Variants in SGCD observed in about 807,000 individuals in gnomAD.
SGCD encodes delta-sarcoglycan.
SGCD carries 18 observed loss-of-function variants against 36.6 expected under a neutral mutation model. That is an observed-to-expected ratio of 0.49 (90% CI 0.34 to 0.73). The LOEUF (loss-of-function observed/expected upper bound fraction) is 0.73, where lower values mean the gene tolerates loss of function less well. Among genes scored for constraint, SGCD ranks in the 30% least tolerant of loss-of-function variants. The pLI is 0.01. For synonymous variants in SGCD, 133 were observed against 130.6 expected, an observed-to-expected ratio of 1.02 and a Z score of -0.12; for missense variants, 387 against 346.7, an observed-to-expected ratio of 1.12 and a Z score of -0.92.
intron 1 of SGCD, among the ~76,000 whole-genome samples, chr5:156,049,068 T>G (rs2127580623): frequency 6.8e-6 from 1 of 146,758 alleles, no homozygotes; most frequent in Non-Finnish European, 1.5e-5. Context: ...CCAGCACCAT[T>G]TATTAAATAG....
At chr5:156,603,339 A>G (rs992907132) in intron 6 of SGCD, among the ~76,000 whole-genome samples, 11 of 152,006 alleles carry the variant, frequency 7.2e-5, no homozygotes, top group African/African-American at 2.7e-4. Context: ...GTATTAATCT[A>G]GCTAAATATT....
At chr5:156,503,685 T>G (rs1159076882) in intron 3 of SGCD, among the ~76,000 whole-genome samples, 1 of 152,192 alleles carries the variant, frequency 6.6e-6, no homozygotes, top group Admixed American at 6.5e-5. Flanking sequence ...AGTAACTTAC[T>G]AACAAATTTG....
chr5:156,172,399 A>T (rs1763366875), intron 3 of SGCD, among the ~76,000 whole-genome samples: 1 of 152,218 alleles, frequency 6.6e-6, no homozygotes, highest in Non-Finnish European at 1.5e-5. Context: ...CTCAACGAGG[A>T]AGTCGGGAAG....
intron 1 of SGCD, among the ~76,000 whole-genome samples, chr5:156,019,395 A>C (rs1259998982): frequency 2.0e-5 from 3 of 152,060 alleles, no homozygotes; most frequent in Non-Finnish European, 4.4e-5. Flanking sequence ...TTCTTTCCAA[A>C]GGCTGAAAAA....
chr5:156,296,069 A>G (rs1766886219), intron 3 of SGCD, among the ~76,000 whole-genome samples: 1 of 152,146 alleles, frequency 6.6e-6, no homozygotes, highest in Admixed American at 6.6e-5. Flanking sequence ...GCATTGCTCA[A>G]ACTGATTTCT....
chr5:156,053,119 A>G lies in SGCD; in HGVS notation c.-281-64759A>G, dbSNP rs1759965244. ...AAAGGCTTGTCCCTACCTAGTAGCT[A>G]GCTGAACATACATATGGCACTGCCA... On this transcript the variant is annotated intron_variant, in intron 1 of 9. Coordinates refer to the SGCD transcript ENST00000517913. Among the ~76,000 whole-genome samples, 2 of 146,780 alleles carry G rather than the reference A, an allele frequency of 1.4e-5. 1 individual carries two copies.
the SGCD span, among the ~76,000 whole-genome samples, chr5:155,794,177 A>C: frequency 3.3e-5 from 5 of 152,302 alleles, 1 homozygote; most frequent in African/African-American, 1.2e-4. Context: ...GTCCAGCCTG[A>C]AAGCAGATCA....
rs1318941829 is a variant in SGCD, at chr5:156,464,214, A to AT, written c.193-44386dup. On this transcript the variant is annotated intron_variant, in intron 3 of 8. Transcript: ENST00000337851. ...TGGAAGAATCTAGGTTTGAATCTAC[A>AT]TATTTTTTTTTTTTTTTTTTTTTTG... is the stretch of plus-strand genomic sequence containing the variant. 4.4e-4 allele frequency among the ~76,000 whole-genome samples: 55 copies of AT among 125,322 alleles called. No homozygotes were observed. The South Asian group carries it at 8.7e-3, about 20-fold the overall frequency. The allele number at this position is 125,322 out of a possible 152,430, so 82.2% of individuals were successfully genotyped here. A position where few individuals can be genotyped will look rare whatever the true frequency, so the allele number is the denominator to read the frequency against.
chr5:156,612,101 A>G (rs929135842), intron 6 of SGCD, among the ~76,000 whole-genome samples: 5 of 152,288 alleles, frequency 3.3e-5, no homozygotes, highest in Admixed American at 1.3e-4. Flanking sequence ...CTGTTACTAA[A>G]GAATTATTGT....
chr5:156,540,472 G>T (rs1025779297), intron 4 of SGCD, among the ~76,000 whole-genome samples: 4 of 152,098 alleles, frequency 2.6e-5, no homozygotes, highest in Non-Finnish European at 5.9e-5. Context: ...GAGAAGAGAA[G>T]AAATGTCTTC....
chr5:156,534,040 A>G (rs1393542408), intron 4 of SGCD, among the ~76,000 whole-genome samples: 3 of 152,180 alleles, frequency 2.0e-5, no homozygotes, highest in Non-Finnish European at 4.4e-5. Flanking sequence ...ATGTAACACT[A>G]TAAATTTGCG....
chr5:156,271,772 T>A (rs1398827613), intron 3 of SGCD, among the ~76,000 whole-genome samples: 1 of 152,154 alleles, frequency 6.6e-6, no homozygotes, highest in African/African-American at 2.4e-5. Flanking sequence ...TCCCCTTGCA[T>A]ACAGTCTAAA....
intron 3 of SGCD, among the ~76,000 whole-genome samples, chr5:156,249,707 A>G (rs1765527452): frequency 7.4e-6 from 1 of 135,582 alleles, no homozygotes; most frequent in Non-Finnish European, 1.6e-5. Context: ...ATTACTTCAT[A>G]AGGTTATTGT....
rs557750070 is a variant in SGCD at position 156,205,364 on chromosome 5, G to A, written c.-44+81345G>A. ...GCACAAACAATGGCAAATAAATGAA[G>A]AATTACGAGACACAATGAGTAGATA... On this transcript the variant is annotated intron_variant, in intron 3 of 9. Coordinates refer to the SGCD transcript ENST00000517913. Among the ~76,000 whole-genome samples the A allele has an allele frequency of 1.7e-4, 26 of 152,126 alleles. No individual in the cohort carries two copies. The East Asian group carries it at 4.3e-3, about 25-fold the overall frequency.
At chr5:156,346,283 T>C (rs187580295) in intron 3 of SGCD, among the ~76,000 whole-genome samples, 13 of 152,148 alleles carry the variant, frequency 8.5e-5, no homozygotes, top group African/African-American at 2.9e-4. Context: ...TCTAAAAAAA[T>C]TTTTCTTTCT....
In SGCD at chr5:156,348,066, G is replaced by T. The variant is rs180717784; in HGVS notation, c.192+3389G>T. 4.6e-5 allele frequency among the ~76,000 whole-genome samples: 7 copies of T among 152,038 alleles called. No individual in the cohort carries two copies. In the South Asian group the frequency reaches 1.0e-3, roughly 23 times the overall value. ...TAAAAGCATATTTTCCATCAATCAT[G>T]GTATAAAGGATATTCTTTTAGAATT... On this transcript the variant is annotated intron_variant, in intron 3 of 8. Transcript: ENST00000337851.
chr5:156,640,296 A>G lies in SGCD; in HGVS notation c.503-7168A>G, dbSNP rs1379379689. ...GCTGTTTATATATCTATATATTGCT[A>G]TACATCTCTAGATATATATATACAT... On this transcript the variant is annotated intron_variant, in intron 6 of 8. Coordinates refer to ENST00000337851, the MANE Select transcript of SGCD (RefSeq NM_000337.6). Among the ~76,000 whole-genome samples the G allele has an allele frequency of 5.3e-5, 8 of 152,064 alleles. No individual in the cohort carries two copies. In the East Asian group the frequency reaches 9.6e-4, roughly 18 times the overall value.
At chr5:156,703,363 ACTTTT>A (rs1045077564) in intron 7 of SGCD, among the ~76,000 whole-genome samples, 11 of 151,234 alleles carry the variant, frequency 7.3e-5, no homozygotes, top group Admixed American at 1.3e-4. Flanking sequence ...GTTTGCCCAT[ACTTTT>A]CTTTTATTTA....
intron 1 of SGCD, among the ~76,000 whole-genome samples, chr5:156,075,411 G>C (rs74811809): frequency 7.2e-5 from 11 of 152,162 alleles, no homozygotes; most frequent in African/African-American, 1.9e-4. Flanking sequence ...TACAAGGATA[G>C]ATTATGGGTA....
Sources: gnomAD v4.1 joint callset for allele counts (sites outside exome capture counted in the v4.1 genomes callset) on GRCh38, gnomAD v4.1.1 for gene constraint, MANE v1.5 for transcripts, NCBI Gene and HGNC (gene_info 2026-07-23, HGNC 2026-07-21) for gene names.